GKAP1: variants seen among roughly 807,000 people sequenced by gnomAD.
GKAP1 encodes G kinase-anchoring protein 1.
A neutral mutation model predicts 56.7 loss-of-function variants in GKAP1; 31 were observed. That is an observed-to-expected ratio of 0.55 (90% CI 0.41 to 0.74). GKAP1 has a LOEUF of 0.74. Ranked by LOEUF, GKAP1 falls within the 30% of genes least tolerant of loss-of-function variation. GKAP1 has a pLI of 0.00. For missense variants in GKAP1, 364 were observed against 402.3 expected (o/e 0.90, Z 0.82); for synonymous variants, 151 against 138.6 (o/e 1.09, Z -0.63).
intron 3 of GKAP1, among the ~76,000 whole-genome samples, chr9:83,802,912 C>T (rs1944355415): frequency 6.6e-6 from 1 of 151,682 alleles, no homozygotes; most frequent in Non-Finnish European, 1.5e-5. Context: ...TGGGGTGGAT[C>T]ACTTGAGCAA....
At position 83,788,642 on chromosome 9, in the gene GKAP1, C is replaced by T; in HGVS notation, c.397G>A (p.Ala133Thr). The stretch of plus-strand genomic sequence containing the variant: ...TATTCTAGTTTACTTAGTAACAATG[C>T]CTTCTCAAGATCTGCTTCAAACATT... ...SEMFEADLEK[A>T]LLLSKLEYEE... Residue 133 changes from alanine to threonine, a missense_variant, in exon 5 of 13, where the codon GCA becomes ACA. Coordinates refer to ENST00000376371, the MANE Select transcript of GKAP1 (RefSeq NM_025211.4). 6.2e-7 allele frequency: 1 copy of T among 1,604,534 alleles called. No homozygotes were observed. The highest frequency in any genetic ancestry group is 8.5e-7 in the Non-Finnish European group (1 of 1,175,372).
At chr9:83,802,624 T>C (rs1439494407) in intron 3 of GKAP1, among the ~76,000 whole-genome samples, 3 of 149,864 alleles carry the variant, frequency 2.0e-5, no homozygotes, top group Non-Finnish European at 3.0e-5. Context: ...AGGCCAGGAG[T>C]TTGAGAACAG....
intron 4 of GKAP1, among the ~76,000 whole-genome samples, chr9:83,796,739 T>A (rs1453788489): frequency 7.9e-5 from 12 of 152,158 alleles, no homozygotes. Context: ...AGTGCTGGGA[T>A]TACAGGTGTG....
chr9:83,799,370 T>A (rs970675790), intron 3 of GKAP1, 42 bp from the exon 4 acceptor site: 1 of 1,362,054 alleles, frequency 7.3e-7, no homozygotes. Context: ...AGTTTACCAA[T>A]CCTGGGATAC....
intron 9 of GKAP1, among the ~76,000 whole-genome samples, chr9:83,749,866 G>A (rs1454874986): frequency 6.6e-6 from 1 of 152,174 alleles, no homozygotes; most frequent in African/African-American, 2.4e-5. Flanking sequence ...AAAGACTGCT[G>A]AGAAGCTCAG....
intron 8 of GKAP1, 63 bp downstream of exon 8, chr9:83,768,755 T>TA: frequency 7.6e-6 from 11 of 1,441,634 alleles, no homozygotes; most frequent in Non-Finnish European, 9.6e-6. Flanking sequence ...CTTACTTGTT[T>TA]AAAAAATAAA....
At chr9:83,761,913 A>T (rs1943578686) in intron 8 of GKAP1, among the ~76,000 whole-genome samples, 1 of 152,194 alleles carries the variant, frequency 6.6e-6, no homozygotes, top group Non-Finnish European at 1.5e-5. Flanking sequence ...CCTCAACATA[A>T]TAAAAGCCAT....
chr9:83,755,257 T>C (rs1341287673), intron 8 of GKAP1, among the ~76,000 whole-genome samples: 7 of 152,092 alleles, frequency 4.6e-5, no homozygotes, highest in African/African-American at 1.4e-4. Context: ...CAATAGGATA[T>C]AGGTTAAATA....
At chr9:83,782,811 C>T (rs1943997957) in intron 6 of GKAP1, among the ~76,000 whole-genome samples, 1 of 151,256 alleles carries the variant, frequency 6.6e-6, no homozygotes, top group African/African-American at 2.4e-5. Flanking sequence ...GGATTACAGG[C>T]ACACGCCACC....
intron 12 of GKAP1, among the ~76,000 whole-genome samples, chr9:83,740,474 A>G (rs1346987143): frequency 6.6e-6 from 1 of 152,182 alleles, no homozygotes; most frequent in Non-Finnish European, 1.5e-5. Flanking sequence ...AAAATCATCA[A>G]TAGCTACTCT....
intron 4 of GKAP1, among the ~76,000 whole-genome samples, chr9:83,791,293 C>T (rs1714437874): frequency 6.6e-6 from 1 of 151,990 alleles, no homozygotes; most frequent in South Asian, 2.1e-4. Flanking sequence ...GTCCCAGCTA[C>T]TCGGGAGGCT....
intron 4 of GKAP1, 67 bp downstream of exon 4, chr9:83,799,118 G>T: frequency 1.5e-6 from 2 of 1,325,756 alleles, no homozygotes; most frequent in African/African-American, 1.4e-5. Context: ...TGAATTCAGA[G>T]GCACTGCCAT....
chr9:83,802,838 A>AT (rs1235658499), intron 3 of GKAP1, among the ~76,000 whole-genome samples: 1 of 152,036 alleles, frequency 6.6e-6, no homozygotes, highest in African/African-American at 2.4e-5. Flanking sequence ...CTTTAAAAAA[A>AT]AAAAATAAAA....
intron 8 of GKAP1, 23 bp downstream of exon 8, chr9:83,768,795 A>T: frequency 6.3e-7 from 1 of 1,589,276 alleles, no homozygotes; most frequent in Non-Finnish European, 8.5e-7. Context: ...TGTGATTTTA[A>T]GAGAATTTTC....
chr9:83,817,187 C>CGGGAGGGAGCGCGGGCGCCAGCGGCG (rs1944625031), intron 1 of GKAP1, 60 bp from the exon 2 acceptor site: 2 of 151,698 alleles, frequency 1.3e-5, no homozygotes, highest in Admixed American at 6.6e-5. Context: ...CCCGGCTCCC[C>CGGGAGGGAGCGCGGGCGCCAGCGGCG]GGGAGGGAGC....
intron 7 of GKAP1, among the ~76,000 whole-genome samples, chr9:83,778,418 C>T (rs919016020): frequency 3.9e-5 from 6 of 152,036 alleles, no homozygotes; most frequent in African/African-American, 1.4e-4. Context: ...AGCTGGATGC[C>T]ATTATCCTTA....
intron 9 of GKAP1, 43 bp downstream of exon 9, chr9:83,753,215 T>A: frequency 8.5e-7 from 1 of 1,169,982 alleles, no homozygotes; most frequent in South Asian, 1.3e-5. Context: ...AACGTGAAAA[T>A]TTATAGAATT....
intron 3 of GKAP1, among the ~76,000 whole-genome samples, chr9:83,804,832 T>C (rs1169637949): frequency 2.4e-5 from 2 of 83,490 alleles, no homozygotes. Flanking sequence ...AGCCGCCCCG[T>C]CCGGGAGGGA....
rs74329050 is a variant in GKAP1 at position 83,751,574 on chromosome 9, T to G, written c.840+1684A>C. On this transcript the variant is annotated intron_variant, in intron 9 of 12. Coordinates refer to ENST00000376371, the MANE Select transcript of GKAP1 (RefSeq NM_025211.4). ...TAGGGATGATTCTTAAAGGCATGAG[T>G]AGAAGAAGAAGGGAAATGTAAGAAC... is the stretch of plus-strand genomic sequence containing the variant. 8.0e-3 allele frequency among the ~76,000 whole-genome samples: 1,214 copies of G among 152,100 alleles called. 31 individuals carry two copies. The highest frequency in any genetic ancestry group is 0.037 in the East Asian group (191 of 5,176).
Sources: allele counts gnomAD v4.1 joint callset (sites outside exome capture counted in the v4.1 genomes callset), GRCh38; gene constraint gnomAD v4.1.1; transcripts MANE v1.5; gene names NCBI Gene and HGNC (gene_info 2026-07-23, HGNC 2026-07-21).